The following LINGO2 variants were observed in gnomAD, a reference collection of about 807,000 sequenced individuals.
The protein encoded by LINGO2 is leucine-rich repeat and immunoglobulin-like domain-containing nogo receptor-interacting protein 2.
LINGO2 carries 14 observed loss-of-function variants against 30.6 expected under a neutral mutation model. The ratio of observed to expected loss-of-function variants is 0.46; its 90% confidence interval spans 0.30 to 0.72. The LOEUF is 0.72. Among genes scored for constraint, LINGO2 ranks in the 30% least tolerant of loss-of-function variants. The pLI, the probability that LINGO2 is intolerant of heterozygous loss-of-function variation, is 0.07. For missense variants in LINGO2, 729 were observed against 751.7 expected, an observed-to-expected ratio of 0.97 and a Z score of 0.35; for synonymous variants, 317 against 288.5, an observed-to-expected ratio of 1.10 and a Z score of -1.00.
At chr9:28,637,063 A>G (rs1474983552) in intron 1 of LINGO2, among the ~76,000 whole-genome samples, 1 of 152,186 alleles carries the variant, frequency 6.6e-6, no homozygotes, top group African/African-American at 2.4e-5. Context: ...TCCCAGCACC[A>G]TTTATTAAAT....
intron 2 of LINGO2, among the ~76,000 whole-genome samples, chr9:28,377,910 G>A (rs1254887007): frequency 6.6e-6 from 1 of 152,160 alleles, no homozygotes; most frequent in Admixed American, 6.5e-5. Context: ...TCAGAACACA[G>A]AAGTTACCTA....
intron 1 of LINGO2, among the ~76,000 whole-genome samples, chr9:28,565,391 T>C (rs1223799389): frequency 6.6e-6 from 1 of 151,346 alleles, no homozygotes; most frequent in Non-Finnish European, 1.5e-5. Flanking sequence ...GGTTTCACCA[T>C]GTTAGCCAGG....
chr9:28,917,234 T>A, the LINGO2 span, among the ~76,000 whole-genome samples: 1 of 152,120 alleles, frequency 6.6e-6, no homozygotes. Flanking sequence ...TAGTAAACAT[T>A]ATTATTATAA....
chr9:28,466,384 T>A (rs1212755160), intron 2 of LINGO2, among the ~76,000 whole-genome samples: 2 of 152,206 alleles, frequency 1.3e-5, no homozygotes, highest in Admixed American at 6.5e-5. Flanking sequence ...AAACTGATCA[T>A]GTTCTCATTT....
chr9:29,007,572 C>A, the LINGO2 span, among the ~76,000 whole-genome samples: 1 of 152,012 alleles, frequency 6.6e-6, no homozygotes, highest in Non-Finnish European at 1.5e-5. Context: ...TTTTCTGGAA[C>A]CCTGGTGGCT....
At chr9:28,683,807 A>G in the LINGO2 span, among the ~76,000 whole-genome samples, 2 of 152,216 alleles carry the variant, frequency 1.3e-5, no homozygotes, top group African/African-American at 4.8e-5. Context: ...TTAGTTTTGT[A>G]GAGACAGCAT....
intron 4 of LINGO2, among the ~76,000 whole-genome samples, chr9:28,104,712 T>A (rs1460376850): frequency 1.3e-5 from 2 of 152,162 alleles, no homozygotes; most frequent in Admixed American, 1.3e-4. Flanking sequence ...TCTTCTCAAA[T>A]TTGCCATAAT....
intron 4 of LINGO2, among the ~76,000 whole-genome samples, chr9:28,042,235 G>A (rs868126151): frequency 5.3e-5 from 8 of 152,222 alleles, no homozygotes; most frequent in Non-Finnish European, 1.2e-4. Flanking sequence ...GAACAGACAT[G>A]ATTAGGACAT....
intron 3 of LINGO2, among the ~76,000 whole-genome samples, chr9:28,298,109 G>A (rs1823992259): frequency 6.6e-6 from 1 of 151,968 alleles, no homozygotes; most frequent in African/African-American, 2.4e-5. Flanking sequence ...CTTTCATTAT[G>A]AAAAAACACG....
the LINGO2 span, among the ~76,000 whole-genome samples, chr9:28,693,524 C>A: frequency 3.3e-5 from 5 of 152,192 alleles, no homozygotes; most frequent in African/African-American, 7.2e-5. Flanking sequence ...CAGAGATATT[C>A]ACAAGGTGAA....
the LINGO2 span, among the ~76,000 whole-genome samples, chr9:28,772,890 T>C: frequency 6.6e-6 from 1 of 152,166 alleles, no homozygotes; most frequent in Non-Finnish European, 1.5e-5. Context: ...ACCAGCTTAA[T>C]CCAATTTGTC....
chr9:28,605,961 C>T (rs1216940402), intron 1 of LINGO2, among the ~76,000 whole-genome samples: 2 of 151,966 alleles, frequency 1.3e-5, no homozygotes, highest in South Asian at 4.1e-4. Context: ...CTATCAGAGT[C>T]GATTCTTTCT....
At chr9:29,143,554 T>C in the LINGO2 span, among the ~76,000 whole-genome samples, 2 of 152,050 alleles carry the variant, frequency 1.3e-5, no homozygotes, top group East Asian at 1.9e-4. Context: ...AGAGTACCCA[T>C]AGGGAAAGGA....
intron 4 of LINGO2, among the ~76,000 whole-genome samples, chr9:28,141,562 A>C (rs570689513): frequency 1.5e-4 from 23 of 152,334 alleles, no homozygotes; most frequent in African/African-American, 5.5e-4. Context: ...CCTGGGTTAC[A>C]CTTTGGAAAA....
the LINGO2 span, among the ~76,000 whole-genome samples, chr9:29,119,363 G>A: frequency 0.017 from 2,598 of 151,264 alleles, 26 homozygotes; most frequent in Middle Eastern, 0.031. Context: ...GCACGTGTGC[G>A]CGCACACACA....
chr9:28,609,661 T>C (rs541365781), intron 1 of LINGO2, among the ~76,000 whole-genome samples: 11 of 152,210 alleles, frequency 7.2e-5, no homozygotes, highest in African/African-American at 2.6e-4. Context: ...ATCTCATACA[T>C]TGATTACAGG....
At chr9:29,061,771 G>T in the LINGO2 span, among the ~76,000 whole-genome samples, 5 of 151,918 alleles carry the variant, frequency 3.3e-5, no homozygotes, top group Non-Finnish European at 7.4e-5. Context: ...TTTGACAATA[G>T]GATTTCTTGG....
At chr9:28,580,117 C>A (rs781452547) in intron 1 of LINGO2, among the ~76,000 whole-genome samples, 1 of 151,994 alleles carries the variant, frequency 6.6e-6, no homozygotes, top group Non-Finnish European at 1.5e-5. Context: ...GGAATAGAAT[C>A]CTCTTCAAAC....
At chr9:28,819,473 A>G in the LINGO2 span, among the ~76,000 whole-genome samples, 2 of 152,296 alleles carry the variant, frequency 1.3e-5, no homozygotes, top group Non-Finnish European at 2.9e-5. Context: ...ACTATTCCAC[A>G]TGCCAAATCT....
Sources: allele counts gnomAD v4.1 joint callset (sites outside exome capture counted in the v4.1 genomes callset), GRCh38; gene constraint gnomAD v4.1.1; transcripts MANE v1.5; gene names NCBI Gene and HGNC (gene_info 2026-07-23, HGNC 2026-07-21).